The following SSBP2 variants were observed in gnomAD, a reference collection of about 807,000 sequenced individuals.
SSBP2 encodes the protein single-stranded DNA-binding protein 2.
SSBP2 carries 17 observed loss-of-function variants against 61.8 expected under a neutral mutation model. The ratio of observed to expected loss-of-function variants is 0.28; its 90% CI spans 0.19 to 0.41. SSBP2 has a LOEUF of 0.41. Ranked by LOEUF, SSBP2 falls within the 10% of genes least tolerant of loss-of-function variation. The pLI is 1.00. For synonymous variants in SSBP2, 139 were observed against 141.3 expected, an observed-to-expected ratio of 0.98 and a Z score of 0.12; for missense variants, 310 against 458.7, an observed-to-expected ratio of 0.68 and a Z score of 2.96.
chr5:81,712,074 C>T (rs920723295), intron 1 of SSBP2, among the ~76,000 whole-genome samples: 63 of 150,978 alleles, frequency 4.2e-4, no homozygotes, highest in Middle Eastern at 3.4e-3. Context: ...CCTATTGTAG[C>T]TATTATTAAC....
intron 5 of SSBP2, among the ~76,000 whole-genome samples, chr5:81,497,553 T>C (rs1207739761): frequency 1.3e-5 from 2 of 152,152 alleles, no homozygotes; most frequent in Non-Finnish European, 2.9e-5. Flanking sequence ...ATCAGACTAT[T>C]GGTATAACAT....
intron 2 of SSBP2, among the ~76,000 whole-genome samples, chr5:81,648,842 T>G (rs1310460639): frequency 1.3e-5 from 2 of 151,972 alleles, no homozygotes; most frequent in Non-Finnish European, 2.9e-5. Flanking sequence ...AAAGAAAAGG[T>G]AAAATTAATT....
chr5:81,443,441 T>G (rs1189669231), intron 12 of SSBP2, among the ~76,000 whole-genome samples: 1 of 152,188 alleles, frequency 6.6e-6, no homozygotes, highest in East Asian at 1.9e-4. Context: ...CATGTTTTTA[T>G]AATATAAAAC....
chr5:81,600,285 G>A (rs892636880), intron 4 of SSBP2, among the ~76,000 whole-genome samples: 4 of 152,026 alleles, frequency 2.6e-5, no homozygotes, highest in African/African-American at 4.8e-5. Flanking sequence ...AAATAAGGCC[G>A]GGTGTGGTAG....
intron 1 of SSBP2, among the ~76,000 whole-genome samples, chr5:81,740,243 G>C (rs1479949148): frequency 6.6e-6 from 1 of 150,732 alleles, no homozygotes; most frequent in Admixed American, 6.6e-5. Flanking sequence ...GCTCACTCAA[G>C]TTTTTCCATT....
rs954285679 is a variant in SSBP2 at position 81,455,657 on chromosome 5, C to T, written c.687+5398G>A. On this transcript the variant is annotated intron_variant, in intron 10 of 16. Coordinates refer to ENST00000320672, the MANE Select transcript of SSBP2 (RefSeq NM_012446.5). ...AAAAAAAAAAAAAAAAAAAAAAAAT[C>T]CTCCTTCTAACCCTACCCTATACTT... 3.3e-5 allele frequency among the ~76,000 whole-genome samples: 4 copies of T among 122,566 alleles called. 2 individuals are homozygous for T. The highest frequency in any genetic ancestry group is 7.7e-5 in the Non-Finnish European group (4 of 52,274). 80.4% of individuals were successfully genotyped at this position (122,566 alleles called of 152,430 possible).
At chr5:81,583,976 AAC>A (rs1419404793) in intron 4 of SSBP2, among the ~76,000 whole-genome samples, 4 of 152,226 alleles carry the variant, frequency 2.6e-5, no homozygotes, top group Non-Finnish European at 5.9e-5. Context: ...ATTATATTAC[AAC>A]AGTTTCTGTA....
intron 4 of SSBP2, among the ~76,000 whole-genome samples, chr5:81,562,912 T>C (rs969214680): frequency 6.6e-6 from 1 of 152,172 alleles, no homozygotes; most frequent in Non-Finnish European, 1.5e-5. Context: ...TTTAAATAAA[T>C]GGAGAGATAT....
rs768824453 is a variant in SSBP2, at chr5:81,473,772, TA to T, written c.500-3del. The T allele has an allele frequency of 1.2e-6, 2 of 1,613,614 alleles. No homozygotes were observed. Among genetic ancestry groups the T allele is most frequent in the Non-Finnish European group, 1.7e-6 (2 of 1,179,692 alleles). Reference sequence around the variant, plus strand: ...TTGGCCCACCCATATTTGGATGTCCTAAAAAAAGTATGAAGACATTAGCAAA... The same window carrying T: ...TTGGCCCACCCATATTTGGATGTCCTAAAAAAGTATGAAGACATTAGCAAA... On this transcript the variant is annotated splice_polypyrimidine_tract_variant and splice_region_variant and intron_variant, in intron 7 of 16. Transcript: ENST00000320672.
At chr5:81,722,465 G>A (rs2153972929) in intron 1 of SSBP2, among the ~76,000 whole-genome samples, 1 of 143,374 alleles carries the variant, frequency 7.0e-6, no homozygotes, top group Non-Finnish European at 1.5e-5. Flanking sequence ...TCTCATTTCT[G>A]GGCTAGGAGA....
At chr5:81,445,137 T>TA (rs1358800475) in intron 12 of SSBP2, among the ~76,000 whole-genome samples, 10,397 of 46,086 alleles carry the variant, frequency 0.23, 2,003 homozygotes, top group African/African-American at 0.54. Context: ...AAAAAAAAAT[T>TA]TTATATATAT....
At chr5:81,503,197 G>A (rs1767926694) in intron 5 of SSBP2, among the ~76,000 whole-genome samples, 1 of 152,162 alleles carries the variant, frequency 6.6e-6, no homozygotes, top group Admixed American at 6.5e-5. Context: ...GCTCATACCT[G>A]TAATTCCAGC....
chr5:81,717,162 C>T (rs866586188), intron 1 of SSBP2, among the ~76,000 whole-genome samples: 1 of 152,122 alleles, frequency 6.6e-6, no homozygotes, highest in Non-Finnish European at 1.5e-5. Flanking sequence ...ATCCTGACCA[C>T]TTGTTACCAG....
chr5:81,540,725 T>C (rs955230757), intron 4 of SSBP2, among the ~76,000 whole-genome samples: 25 of 152,184 alleles, frequency 1.6e-4, no homozygotes, highest in African/African-American at 6.0e-4. Flanking sequence ...ATATGCCCTA[T>C]AAAAGAAACC....
chr5:81,709,022 A>T (rs1249660947), intron 1 of SSBP2, among the ~76,000 whole-genome samples: 2 of 152,042 alleles, frequency 1.3e-5, no homozygotes, highest in Non-Finnish European at 2.9e-5. Context: ...AGTTTGATGG[A>T]AGAGCCAGGC....
chr5:81,508,648 T>C (rs1443968856), intron 5 of SSBP2, among the ~76,000 whole-genome samples: 4 of 152,218 alleles, frequency 2.6e-5, no homozygotes, highest in African/African-American at 7.2e-5. Context: ...TTGCTATTTT[T>C]CAAATGTAGT....
intron 10 of SSBP2, among the ~76,000 whole-genome samples, chr5:81,454,983 C>A (rs188114894): frequency 2.0e-5 from 3 of 151,788 alleles, no homozygotes; most frequent in African/African-American, 4.8e-5. Context: ...CTGAGGAGGA[C>A]AAGAAAAGTA....
intron 5 of SSBP2, among the ~76,000 whole-genome samples, chr5:81,512,079 T>G (rs1009401201): frequency 1.3e-5 from 2 of 152,222 alleles, no homozygotes; most frequent in African/African-American, 4.8e-5. Context: ...AGACTTTCAG[T>G]AACTCTCAAA....
At chr5:81,543,515 G>A (rs1771470343) in intron 4 of SSBP2, among the ~76,000 whole-genome samples, 1 of 152,180 alleles carries the variant, frequency 6.6e-6, no homozygotes, top group Non-Finnish European at 1.5e-5. Flanking sequence ...GGGAGAGGAA[G>A]AGAGGGAACA....
Sources: gnomAD v4.1 joint callset for allele counts (sites outside exome capture counted in the v4.1 genomes callset) on GRCh38, gnomAD v4.1.1 for gene constraint, MANE v1.5 for transcripts, NCBI Gene and HGNC (gene_info 2026-07-23, HGNC 2026-07-21) for gene names.